Variants in CACHD1 observed in about 807,000 individuals in gnomAD.
CACHD1 encodes the protein cache domain containing 1.
CACHD1 carries 71 observed loss-of-function variants against 138.7 expected under a neutral mutation model. That is an observed-to-expected ratio of 0.51 (90% CI 0.42 to 0.62). CACHD1 has a LOEUF of 0.62. Among genes scored for constraint, CACHD1 ranks in the 20% least tolerant of loss-of-function variants. CACHD1 has a pLI of 0.00. For missense variants in CACHD1, 1,389 were observed against 1,625.3 expected, an observed-to-expected ratio of 0.85 and a Z score of 2.50; for synonymous variants, 578 against 591.5, an observed-to-expected ratio of 0.98 and a Z score of 0.33.
At chr1:64,637,115 G>A (rs1648552055) in intron 7 of CACHD1, among the ~76,000 whole-genome samples, 1 of 152,184 alleles carries the variant, frequency 6.6e-6, no homozygotes, top group Non-Finnish European at 1.5e-5. Flanking sequence ...CCACCTGTCA[G>A]CATTCCTCAC....
At chr1:64,506,801 T>C (rs1646380477) in intron 1 of CACHD1, among the ~76,000 whole-genome samples, 1 of 152,228 alleles carries the variant, frequency 6.6e-6, no homozygotes, top group African/African-American at 2.4e-5. Context: ...CAGTTAAAGC[T>C]GTTCGGTATT....
intron 1 of CACHD1, among the ~76,000 whole-genome samples, chr1:64,524,373 GC>G (rs1267561869): frequency 6.6e-6 from 1 of 152,132 alleles, no homozygotes; most frequent in Non-Finnish European, 1.5e-5. Context: ...CCAGAAGTGA[GC>G]CCATTGTAGT....
chr1:64,508,083 C>T (rs1403787454), intron 1 of CACHD1, among the ~76,000 whole-genome samples: 1 of 152,200 alleles, frequency 6.6e-6, no homozygotes. Flanking sequence ...GGCAAATCTT[C>T]ACATGGCCAG....
At chr1:64,541,930 A>G (rs1316238070) in intron 1 of CACHD1, among the ~76,000 whole-genome samples, 1 of 152,174 alleles carries the variant, frequency 6.6e-6, no homozygotes, top group East Asian at 1.9e-4. Flanking sequence ...ATAGAATGTT[A>G]TTATAGTCTT....
At chr1:64,549,336 C>T (rs1000067059) in intron 1 of CACHD1, among the ~76,000 whole-genome samples, 2 of 152,030 alleles carry the variant, frequency 1.3e-5, no homozygotes, top group Non-Finnish European at 2.9e-5. Context: ...AACTTTCATA[C>T]CAGCAGAGTC....
chr1:64,535,942 G>A (rs984207573), intron 1 of CACHD1, among the ~76,000 whole-genome samples: 1 of 152,106 alleles, frequency 6.6e-6, no homozygotes, highest in Non-Finnish European at 1.5e-5. Flanking sequence ...TCCAATTTAT[G>A]CAACTGTTAT....
intron 1 of CACHD1, among the ~76,000 whole-genome samples, chr1:64,498,801 A>G (rs1182151068): frequency 5.9e-5 from 9 of 152,200 alleles, no homozygotes; most frequent in African/African-American, 2.2e-4. Context: ...TAAGGTGTTG[A>G]CTACCTTGCT....
chr1:64,678,030 A>T, intron 22 of CACHD1, 129 bp from the exon 23 acceptor site: 1 of 908,318 alleles, frequency 1.1e-6, no homozygotes, highest in Non-Finnish European at 1.6e-6. Context: ...AGGAAAGGAA[A>T]CTAAAGCTCA....
chr1:64,688,253 C>T (rs958830865), intron 26 of CACHD1, among the ~76,000 whole-genome samples: 6 of 152,090 alleles, frequency 3.9e-5, no homozygotes, highest in African/African-American at 1.2e-4. Flanking sequence ...TTGCTAAAAT[C>T]CTGTTTTCTA....
At chr1:64,633,962 C>A in intron 6 of CACHD1, 82 bp from the exon 7 acceptor site, 4 of 1,069,762 alleles carry the variant, frequency 3.7e-6, no homozygotes, top group South Asian at 1.5e-5. Flanking sequence ...TACTCCTTGG[C>A]CTCTTCTGTT....
intron 1 of CACHD1, among the ~76,000 whole-genome samples, chr1:64,531,718 T>G (rs529256251): frequency 6.6e-6 from 1 of 152,324 alleles, no homozygotes; most frequent in African/African-American, 2.4e-5. Context: ...GGTGTCTCTT[T>G]GTTGCTCAAA....
intron 3 of CACHD1, among the ~76,000 whole-genome samples, chr1:64,596,400 ATGTCTCCG>A (rs1204445881): frequency 1.3e-5 from 2 of 152,212 alleles, no homozygotes; most frequent in African/African-American, 4.8e-5. Flanking sequence ...GTGAAGAGAT[ATGTCTCCG>A]TGTCATATCA....
intron 1 of CACHD1, among the ~76,000 whole-genome samples, chr1:64,513,641 G>A (rs1368153912): frequency 6.6e-6 from 1 of 152,194 alleles, no homozygotes; most frequent in Non-Finnish European, 1.5e-5. Flanking sequence ...CCATGAAAAG[G>A]ACTCAAAGGA....
intron 1 of CACHD1, among the ~76,000 whole-genome samples, chr1:64,498,137 CAA>C (rs1646315850): frequency 6.6e-6 from 1 of 152,094 alleles, no homozygotes; most frequent in African/African-American, 2.4e-5. Context: ...TAAAACAAAA[CAA>C]AAGAGTGTGG....
chr1:64,630,584 G>A (rs1236585245), intron 5 of CACHD1, among the ~76,000 whole-genome samples: 6 of 151,968 alleles, frequency 3.9e-5, no homozygotes, highest in East Asian at 1.9e-4. Context: ...GTGCCCAGTC[G>A]TCCTAAGATA....
At chr1:64,565,455 A>C (rs1646874361) in intron 2 of CACHD1, among the ~76,000 whole-genome samples, 2 of 152,212 alleles carry the variant, frequency 1.3e-5, no homozygotes, top group South Asian at 4.1e-4. Flanking sequence ...CTGTCCAACC[A>C]GAGCCCTGGC....
intron 2 of CACHD1, among the ~76,000 whole-genome samples, chr1:64,572,029 G>A (rs1646930770): frequency 6.6e-6 from 1 of 152,132 alleles, no homozygotes; most frequent in African/African-American, 2.4e-5. Context: ...TTTTATGTAG[G>A]AAGTGACTGG....
chr1:64,671,473 C>G (rs934371093), intron 16 of CACHD1, 91 bp from the exon 17 acceptor site: 6 of 1,378,734 alleles, frequency 4.4e-6, no homozygotes, highest in Non-Finnish European at 6.2e-6. Context: ...GAAGGTATTT[C>G]TAATACCAAA....
chr1:64,689,746 C>T (rs1286527085), intron 26 of CACHD1, among the ~76,000 whole-genome samples: 1 of 152,220 alleles, frequency 6.6e-6, no homozygotes, highest in Non-Finnish European at 1.5e-5. Flanking sequence ...TATATCCACA[C>T]CTCTATGGCT....
Sources: gnomAD v4.1 joint callset for allele counts (sites outside exome capture counted in the v4.1 genomes callset) on GRCh38, gnomAD v4.1.1 for gene constraint, MANE v1.5 for transcripts, NCBI Gene and HGNC (gene_info 2026-07-23, HGNC 2026-07-21) for gene names.